Variants in CNTNAP2 observed in about 807,000 individuals in gnomAD.
CNTNAP2 encodes contactin associated protein 2, also known as contactin-associated protein-like 2.
CNTNAP2 carries 98 observed loss-of-function variants against 155.2 expected under a neutral mutation model. The observed-to-expected ratio is 0.63, with a 90% CI of 0.54 to 0.75. CNTNAP2 has a LOEUF of 0.75. Ranked by LOEUF, CNTNAP2 falls within the 30% of genes least tolerant of loss-of-function variation. The pLI, the probability that CNTNAP2 is intolerant of heterozygous loss-of-function variation, is 0.00. For synonymous variants in CNTNAP2, 651 were observed against 631.2 expected (o/e 1.03, Z -0.47); for missense variants, 1,727 against 1,688.1 (o/e 1.02, Z -0.40).
chr7:147,099,033 T>C (rs10273726), intron 4 of CNTNAP2, among the ~76,000 whole-genome samples: 25,970 of 151,696 alleles, frequency 0.17, 5,010 homozygotes, highest in African/African-American at 0.48. Flanking sequence ...TGTCAGGAGG[T>C]AGAGGGGATG....
rs1316112335 is a variant in CNTNAP2 at position 148,383,722 on chromosome 7, G to A, written c.3549G>A (p.Gln1183=). The A allele has an allele frequency of 6.2e-7, 1 of 1,614,100 alleles. No homozygotes were observed. Among genetic ancestry groups the A allele is most frequent in the Non-Finnish European group, 8.5e-7 (1 of 1,180,058 alleles). Residue 1183 remains glutamine (Q), a synonymous_variant, in exon 22 of 24, where the codon CAG becomes CAA. Coordinates refer to ENST00000361727, the MANE Select transcript of CNTNAP2 (RefSeq NM_014141.6). ...PGFTGCLSRV[Q]FNQIAPLKAA... is the part of the protein sequence containing the mutation. The stretch of plus-strand genomic sequence containing the variant: ...TCACTGGTTGCCTCTCCAGAGTCCA[G>A]TTCAACCAGATCGCCCCTCTCAAGG...
intron 3 of CNTNAP2, among the ~76,000 whole-genome samples, chr7:147,011,418 CAAAAAA>C (rs759844476): frequency 1.7e-3 from 22 of 13,252 alleles, no homozygotes; most frequent in Non-Finnish European, 1.1e-3. Flanking sequence ...CACTCCATCT[CAAAAAA>C]AAAAAAAAAA....
At chr7:147,640,114 T>G (rs1795248886) in intron 13 of CNTNAP2, among the ~76,000 whole-genome samples, 1 of 152,124 alleles carries the variant, frequency 6.6e-6, no homozygotes, top group Admixed American at 6.6e-5. Context: ...TTTTAAAATT[T>G]TACCTTAATT....
intron 12 of CNTNAP2, among the ~76,000 whole-genome samples, chr7:147,609,755 A>C (rs140989083): frequency 5.3e-5 from 8 of 152,190 alleles, no homozygotes; most frequent in African/African-American, 1.9e-4. Flanking sequence ...AAGACACACA[A>C]ATTTGTTACC....
intron 3 of CNTNAP2, among the ~76,000 whole-genome samples, chr7:146,862,176 A>T (rs13438453): frequency 0.036 from 5,523 of 152,222 alleles, 332 homozygotes; most frequent in African/African-American, 0.12. Flanking sequence ...TCTGATTAGA[A>T]TCATTTATTC....
At chr7:146,357,778 T>C (rs12531204) in intron 1 of CNTNAP2, among the ~76,000 whole-genome samples, 2 of 151,904 alleles carry the variant, frequency 1.3e-5, no homozygotes, top group East Asian at 1.9e-4. Flanking sequence ...AACCCCCCAT[T>C]ACCTATATGT....
chr7:147,477,372 A>G (rs1351052254), intron 10 of CNTNAP2, among the ~76,000 whole-genome samples: 1 of 152,146 alleles, frequency 6.6e-6, no homozygotes, highest in Non-Finnish European at 1.5e-5. Flanking sequence ...ATCTTAATTA[A>G]TTTACCTCCA....
chr7:146,979,265 C>T (rs1797970489), intron 3 of CNTNAP2, among the ~76,000 whole-genome samples: 1 of 152,116 alleles, frequency 6.6e-6, no homozygotes, highest in Non-Finnish European at 1.5e-5. Context: ...TCCCTGGCCT[C>T]GTCTTATACT....
chr7:147,126,605 C>G (rs1801243965), intron 6 of CNTNAP2, among the ~76,000 whole-genome samples: 1 of 152,166 alleles, frequency 6.6e-6, no homozygotes, highest in Non-Finnish European at 1.5e-5. Flanking sequence ...TCCCAAATAG[C>G]TGGGATTACA....
intron 15 of CNTNAP2, among the ~76,000 whole-genome samples, chr7:148,018,418 G>A (rs1018316456): frequency 3.9e-5 from 6 of 152,272 alleles, no homozygotes; most frequent in African/African-American, 1.4e-4. Context: ...AAGGATGGCG[G>A]TAAATATAAG....
chr7:146,498,470 A>G (rs1195742109), intron 1 of CNTNAP2, among the ~76,000 whole-genome samples: 1 of 152,198 alleles, frequency 6.6e-6, no homozygotes, highest in Admixed American at 6.5e-5. Flanking sequence ...TTGTTTTAAG[A>G]TAAAACAATT....
intron 21 of CNTNAP2, among the ~76,000 whole-genome samples, chr7:148,313,076 A>G (rs1352976686): frequency 6.6e-6 from 1 of 151,596 alleles, no homozygotes; most frequent in African/African-American, 2.4e-5. Context: ...TGCTTAAAAG[A>G]GTATTGTCTA....
At chr7:147,585,338 TATC>T (rs1385942027) in intron 12 of CNTNAP2, among the ~76,000 whole-genome samples, 1 of 151,348 alleles carries the variant, frequency 6.6e-6, no homozygotes, top group Non-Finnish European at 1.5e-5. Flanking sequence ...AAACAATAAA[TATC>T]ATTACTATGA....
At chr7:146,950,671 A>AT (rs1446620480) in intron 3 of CNTNAP2, among the ~76,000 whole-genome samples, 3 of 151,856 alleles carry the variant, frequency 2.0e-5, no homozygotes, top group South Asian at 2.1e-4. Flanking sequence ...TATGTGCCAC[A>AT]TTTTTTTTAG....
Position 146,483,328 on chromosome 7 carries a change from T to TGC in CNTNAP2, c.98-290943_98-290942insGC, listed in dbSNP as rs1554439610. ...ATATATATATATATATATATATATA[T>TGC]ACATATATATATATTTAAGCACAGA... is the stretch of plus-strand genomic sequence containing the variant. On this transcript the variant is annotated intron_variant, in intron 1 of 23. Transcript: ENST00000361727. 3.2e-3 allele frequency among the ~76,000 whole-genome samples: 260 copies of TGC among 81,520 alleles called. 10 individuals are homozygous for TGC. Among genetic ancestry groups the TGC allele is most frequent in the African/African-American group, 0.016 (251 of 15,432 alleles). 53.5% of individuals were successfully genotyped at this position (81,520 alleles called of 152,430 possible).
chr7:146,432,017 T>C (rs1796179983), intron 1 of CNTNAP2, among the ~76,000 whole-genome samples: 1 of 152,120 alleles, frequency 6.6e-6, no homozygotes, highest in Non-Finnish European at 1.5e-5. Context: ...TCTCATCTTG[T>C]GGTCCTACTG....
intron 3 of CNTNAP2, among the ~76,000 whole-genome samples, chr7:146,863,856 G>C (rs532948026): frequency 6.6e-6 from 1 of 152,142 alleles, no homozygotes; most frequent in Admixed American, 6.5e-5. Flanking sequence ...ACAAATATAA[G>C]GAGTAAATCC....
At chr7:147,379,742 G>A (rs1306238886) in intron 9 of CNTNAP2, among the ~76,000 whole-genome samples, 1 of 151,906 alleles carries the variant, frequency 6.6e-6, no homozygotes, top group Non-Finnish European at 1.5e-5. Flanking sequence ...GCATTTTTAG[G>A]TTTTATGTGG....
intron 12 of CNTNAP2, 121 bp from the exon 13 acceptor site, chr7:147,638,985 A>T: frequency 9.9e-7 from 1 of 1,007,798 alleles, no homozygotes; most frequent in Non-Finnish European, 1.6e-6. Flanking sequence ...TGCTCTCCTT[A>T]ACACTGTTCT....
Sources: allele counts gnomAD v4.1 joint callset (sites outside exome capture counted in the v4.1 genomes callset), GRCh38; gene constraint gnomAD v4.1.1; transcripts MANE v1.5; gene names NCBI Gene and HGNC (gene_info 2026-07-23, HGNC 2026-07-21).